The following DPP10 variants were observed in gnomAD, a reference collection of about 807,000 sequenced individuals.
DPP10 encodes inactive dipeptidyl peptidase 10.
A neutral mutation model predicts 120.9 loss-of-function variants in DPP10; 33 were observed. The observed-to-expected ratio is 0.27, with a 90% CI of 0.21 to 0.37. The LOEUF (loss-of-function observed/expected upper bound fraction) is 0.37. Among genes scored for constraint, DPP10 ranks in the 10% least tolerant of loss-of-function variants. The probability of loss-of-function intolerance (pLI) is 1.00; values close to 1 mark genes in which losing one functional copy is unlikely to be tolerated. For synonymous variants in DPP10, 337 were observed against 326.1 expected, an observed-to-expected ratio of 1.03 and a Z score of -0.36; for missense variants, 816 against 942.8, an observed-to-expected ratio of 0.87 and a Z score of 1.76.
chr2:115,302,395 A>G (rs2061179501), intron 1 of DPP10, among the ~76,000 whole-genome samples: 1 of 152,002 alleles, frequency 6.6e-6, no homozygotes, highest in Non-Finnish European at 1.5e-5. Context: ...AAACAAATTA[A>G]TTGTAAAAAA....
At position 115,739,817 on chromosome 2, in the gene DPP10, C is replaced by A; in HGVS notation, c.776C>A (p.Ser259Tyr). ...ERLAFLMIND[S>Y]LVPTMVIPRF... ...CTTGCCTTCCTGATGATAAATGACT[C>A]TTTGGTACCCACCATGGTTATCCCT... Residue 259 changes from serine to tyrosine, a missense_variant, in exon 9 of 26, where the codon TCT becomes TAT. Physicochemically the swap from Ser to Tyr is moderately radical, Grantham distance 144 (BLOSUM62 -2). This residue lies in a region of DPP10 where 592 missense variants were observed against 649.0 expected (regional missense o/e 0.91). Transcript: ENST00000410059. 6.2e-7 allele frequency: 1 copy of A among 1,613,596 alleles called. No homozygotes were observed. The highest frequency in any genetic ancestry group is 8.5e-7 in the Non-Finnish European group (1 of 1,179,614).
chr2:114,836,651 TC>T (rs1164981881), intron 1 of DPP10, among the ~76,000 whole-genome samples: 7 of 152,094 alleles, frequency 4.6e-5, no homozygotes, highest in African/African-American at 1.4e-4. Flanking sequence ...ATTGATAACT[TC>T]TTATCAGGGG....
intron 10 of DPP10, among the ~76,000 whole-genome samples, chr2:115,749,384 T>C (rs1037097834): frequency 6.6e-6 from 1 of 152,168 alleles, no homozygotes; most frequent in African/African-American, 2.4e-5. Context: ...GTCCTTAGCA[T>C]TATTTTACTT....
chr2:114,631,161 G>T (rs926427210), intron 1 of DPP10, among the ~76,000 whole-genome samples: 4 of 152,142 alleles, frequency 2.6e-5, no homozygotes, highest in Middle Eastern at 3.2e-3. Flanking sequence ...TTTAAAGGGG[G>T]TGAGAAAACC....
At chr2:114,940,596 G>A (rs1195684220) in intron 1 of DPP10, among the ~76,000 whole-genome samples, 4 of 151,626 alleles carry the variant, frequency 2.6e-5, no homozygotes, top group Non-Finnish European at 4.4e-5. Context: ...AGATTCTTGC[G>A]GGTTTGCATT....
intron 5 of DPP10, among the ~76,000 whole-genome samples, chr2:115,531,388 G>C (rs1348796496): frequency 6.6e-6 from 1 of 151,992 alleles, no homozygotes; most frequent in East Asian, 1.9e-4. Context: ...CCTAAGAAGA[G>C]AGCTACGCAG....
chr2:115,483,479 C>G (rs62154920), intron 3 of DPP10, among the ~76,000 whole-genome samples: 6,035 of 144,122 alleles, frequency 0.042, 158 homozygotes, highest in African/African-American at 0.073. Flanking sequence ...ATCTATCTAT[C>G]TGTATGTGTA....
chr2:115,366,199 ACT>A (rs2106375322), intron 3 of DPP10, among the ~76,000 whole-genome samples: 1 of 151,470 alleles, frequency 6.6e-6, no homozygotes, highest in African/African-American at 2.4e-5. Flanking sequence ...ATGACTCTCC[ACT>A]CTCAGCCTTT....
At chr2:114,718,541 G>A (rs1039534861) in intron 1 of DPP10, among the ~76,000 whole-genome samples, 12 of 151,978 alleles carry the variant, frequency 7.9e-5, no homozygotes, top group African/African-American at 2.9e-4. Flanking sequence ...TTAGTTCTAT[G>A]GTACTCTTTT....
intron 1 of DPP10, among the ~76,000 whole-genome samples, chr2:114,520,050 T>C (rs1235356986): frequency 6.6e-6 from 1 of 152,252 alleles, no homozygotes; most frequent in Non-Finnish European, 1.5e-5. Context: ...CCAATCTTCT[T>C]TCCTTAGAAA....
At chr2:115,009,867 T>C (rs1169104841) in intron 1 of DPP10, among the ~76,000 whole-genome samples, 1 of 152,206 alleles carries the variant, frequency 6.6e-6, no homozygotes, top group African/African-American at 2.4e-5. Context: ...CATTCACTAC[T>C]CATTAATACA....
intron 1 of DPP10, among the ~76,000 whole-genome samples, chr2:114,534,664 A>G (rs992300067): frequency 1.3e-5 from 2 of 151,564 alleles, no homozygotes; most frequent in Non-Finnish European, 1.5e-5. Flanking sequence ...CACACCCTCA[A>G]CTGTGCTTGA....
chr2:115,258,974 A>C (rs2059130014), intron 1 of DPP10, among the ~76,000 whole-genome samples: 1 of 152,378 alleles, frequency 6.6e-6, no homozygotes, highest in African/African-American at 2.4e-5. Context: ...ACAGAACACC[A>C]AAAATTGCAA....
chr2:115,398,755 A>G (rs1182934715), intron 3 of DPP10, among the ~76,000 whole-genome samples: 1 of 152,300 alleles, frequency 6.6e-6, no homozygotes, highest in East Asian at 1.9e-4. Flanking sequence ...AGCCTCAAGC[A>G]TTTAGTTGAA....
intron 4 of DPP10, among the ~76,000 whole-genome samples, chr2:115,516,161 A>G (rs2077494110): frequency 6.6e-6 from 1 of 152,106 alleles, no homozygotes; most frequent in South Asian, 2.1e-4. Context: ...GGAGATCAGC[A>G]GTGTTTGCAG....
At chr2:115,430,250 T>C (rs1056889709) in intron 3 of DPP10, among the ~76,000 whole-genome samples, 1 of 152,168 alleles carries the variant, frequency 6.6e-6, no homozygotes, top group African/African-American at 2.4e-5. Flanking sequence ...AGGTCAGTGC[T>C]CAAATATTGG....
intron 1 of DPP10, among the ~76,000 whole-genome samples, chr2:114,853,475 T>G (rs1291549823): frequency 6.6e-6 from 1 of 152,026 alleles, no homozygotes; most frequent in Non-Finnish European, 1.5e-5. Flanking sequence ...GAAGACCCAC[T>G]GAAGTTCACC....
chr2:114,940,317 A>G (rs1358135475), intron 1 of DPP10, among the ~76,000 whole-genome samples: 2 of 152,128 alleles, frequency 1.3e-5, no homozygotes, highest in Non-Finnish European at 2.9e-5. Flanking sequence ...TGGTCTGACT[A>G]TCTTGTTATG....
At chr2:114,656,693 C>T (rs1481251068) in intron 1 of DPP10, among the ~76,000 whole-genome samples, 1 of 151,944 alleles carries the variant, frequency 6.6e-6, no homozygotes, top group Non-Finnish European at 1.5e-5. Context: ...TATGTTTGTG[C>T]ACATGTGTGG....
Sources: gnomAD v4.1 joint callset for allele counts (sites outside exome capture counted in the v4.1 genomes callset) on GRCh38, gnomAD v4.1.1 for gene constraint, gnomAD v4.1.1 regional missense constraint, MANE v1.5 for transcripts, NCBI Gene and HGNC (gene_info 2026-07-23, HGNC 2026-07-21) for gene names.